SRRM1: variants seen among roughly 807,000 people sequenced by gnomAD.
SRRM1 encodes the protein serine and arginine repetitive matrix 1.
Under a neutral mutation model 110.2 loss-of-function variants are expected in SRRM1, and 19 were observed. The ratio of observed to expected loss-of-function variants is 0.17; its 90% CI spans 0.12 to 0.25. The LOEUF (loss-of-function observed/expected upper bound fraction) is 0.25, where lower values mean the gene tolerates loss of function less well. SRRM1 is among the 10% of genes least tolerant of loss of function. The probability of loss-of-function intolerance (pLI) is 1.00; values close to 1 mark genes in which losing one functional copy is unlikely to be tolerated. For missense variants in SRRM1, 918 were observed against 1,145.8 expected (o/e 0.80, Z 2.87); for synonymous variants, 443 against 414.9 (o/e 1.07, Z -0.82).
chr1:24,661,103 A>C lies in SRRM1; in HGVS notation c.1397-207A>C. Reference sequence around the variant, plus strand: ...TTGGCACCAGCCTGACCTGTAGTAAATGCCTAAATAAATTTTATTATATTT... The same window carrying C: ...TTGGCACCAGCCTGACCTGTAGTAACTGCCTAAATAAATTTTATTATATTT... On this transcript the variant is annotated intron_variant, in intron 10 of 16. Coordinates refer to ENST00000323848, the MANE Select transcript of SRRM1 (RefSeq NM_005839.4). 5.5e-6 allele frequency: 3 copies of C among 547,568 alleles called. No homozygotes were observed. In the South Asian group the frequency reaches 8.8e-5, roughly 16 times the overall value. The allele number at this position is 547,568 out of a possible 1,614,324, so 33.9% of individuals were successfully genotyped here. A position where few individuals can be genotyped will look rare whatever the true frequency, so the allele number is the denominator to read the frequency against.
intron 12 of SRRM1, chr1:24,663,252 G>T: frequency 1.4e-6 from 2 of 1,471,090 alleles, no homozygotes; most frequent in South Asian, 1.4e-5. Context: ...TTGTAAATTA[G>T]GGTTACATGT....
chr1:24,649,850 G>A lies in SRRM1; in HGVS notation c.406-121G>A, dbSNP rs144423187. 6.5e-4 allele frequency: 526 copies of A among 805,276 alleles called. 1 individual carries two copies. In the African/African-American group the frequency reaches 8.5e-3, roughly 13 times the overall value. The allele number at this position is 805,276 out of a possible 1,614,324, so 49.9% of individuals were successfully genotyped here. A position where few individuals can be genotyped will look rare whatever the true frequency, so the allele number is the denominator to read the frequency against. On this transcript the variant is annotated intron_variant, in intron 4 of 16. Coordinates refer to ENST00000323848, the MANE Select transcript of SRRM1 (RefSeq NM_005839.4). ...GTGTAGGTGAAGAAAGAACAGGTCT[G>A]GTTCAAAAGAAGAGGCCGATGAAAT...
intron 12 of SRRM1, among the ~76,000 whole-genome samples, chr1:24,663,911 TAATA>T (rs902161886): frequency 8.2e-6 from 1 of 122,678 alleles, no homozygotes; most frequent in Non-Finnish European, 1.7e-5. Context: ...ATAATAATAA[TAATA>T]AATAAAAGCG....
intron 1 of SRRM1, among the ~76,000 whole-genome samples, chr1:24,644,333 C>T (rs1011085393): frequency 5.3e-5 from 8 of 152,160 alleles, no homozygotes; most frequent in Admixed American, 1.3e-4. Flanking sequence ...CCATTGGTCT[C>T]TCAGGGCTTG....
Position 24,669,292 on chromosome 1 carries a change from C to T in SRRM1, c.1909C>T (p.His637Tyr). ...TCCACCACCAAAGCGGCGGGTCTCCCATTCTCCACCTCCCAAACAAAGAAG... is the reference window on the plus strand; with the variant it reads ...TCCACCACCAAAGCGGCGGGTCTCCTATTCTCCACCTCCCAAACAAAGAAG... ...PSPPPKRRVS[H>Y]SPPPKQRSSP... The change falls in exon 14 of 17, where the codon CAT (histidine) becomes TAT (tyrosine). Residue 637 changes from histidine (H) to tyrosine (Y), a missense_variant. By Grantham distance (83) the His-to-Tyr change is moderately conservative (BLOSUM62 2). Around this residue, in one of 5 missense-constraint regions of SRRM1, gnomAD observed 357 missense variants for 402.9 expected, o/e 0.89. Transcript: ENST00000323848. The T allele has an allele frequency of 1.9e-6, 3 of 1,614,166 alleles. No homozygotes were observed. The highest frequency in any genetic ancestry group is 2.5e-6 in the Non-Finnish European group (3 of 1,180,034).
At chr1:24,668,557 A>G (rs1671201985) in intron 13 of SRRM1, among the ~76,000 whole-genome samples, 1 of 152,242 alleles carries the variant, frequency 6.6e-6, no homozygotes, top group Admixed American at 6.5e-5. Flanking sequence ...GTTTGGCCTG[A>G]AAAGTGGCCT....
At chr1:24,657,523 C>A (rs1025623264) in intron 9 of SRRM1, among the ~76,000 whole-genome samples, 4 of 152,156 alleles carry the variant, frequency 2.6e-5, no homozygotes, top group Admixed American at 1.3e-4. Context: ...ACAGTAACAT[C>A]ATTGAAATGT....
chr1:24,669,385 C>T lies in SRRM1; in HGVS notation c.2002C>T (p.Arg668Cys), dbSNP rs748287743. 7 of 1,614,024 alleles carry T rather than the reference C, an allele frequency of 4.3e-6. No individual in the cohort carries two copies. Among genetic ancestry groups the T allele is most frequent in the South Asian group, 3.3e-5 (3 of 91,078 alleles). ...SKHRKGSSPS[R>C]STREARSPQP... is the part of the protein sequence containing the mutation. The stretch of plus-strand genomic sequence containing the variant: ...GCATAGGAAAGGGTCTTCCCCAAGC[C>T]GCTCTACCCGGGAGGCCCGATCACC... Residue 668 changes from arginine to cysteine, a missense_variant, in exon 14 of 17, where the codon CGC (arginine) becomes TGC (cysteine). This residue lies in a region of SRRM1 where 357 missense variants were observed against 402.9 expected (regional missense o/e 0.89). Coordinates refer to ENST00000323848, the MANE Select transcript of SRRM1 (RefSeq NM_005839.4).
rs529075711 is a variant in SRRM1, at chr1:24,660,600, T to A, written c.1316-119T>A. On this transcript the variant is annotated intron_variant, in intron 9 of 16. Transcript: ENST00000323848. ...AGGAGTTCAAGACTAGCCTGACTAA[T>A]ATAGTGAGACCCCATCTTTATTTAA... 22 of 441,236 alleles carry A rather than the reference T, an allele frequency of 5.0e-5. No homozygotes were observed. In the South Asian group the frequency reaches 1.1e-3, roughly 21 times the overall value. The allele number at this position is 441,236 out of a possible 1,614,324, so 27.3% of individuals were successfully genotyped here.
At chr1:24,662,353 C>T (rs990251394) in intron 11 of SRRM1, among the ~76,000 whole-genome samples, 1 of 152,168 alleles carries the variant, frequency 6.6e-6, no homozygotes, top group African/African-American at 2.4e-5. Context: ...GAGGCACAAG[C>T]GGTCTTTCTG....
chr1:24,660,844 GTTTTTC>G (rs1666850202), intron 10 of SRRM1, 45 bp downstream of exon 10: 1 of 1,411,192 alleles, frequency 7.1e-7, no homozygotes. Context: ...GTTTGTTTTT[GTTTTTC>G]TTAAAGCTGA....
At position 24,652,915 on chromosome 1, in the gene SRRM1, C is replaced by A; in HGVS notation, c.923C>A (p.Ser308Ter). The A allele has an allele frequency of 6.2e-7, 1 of 1,613,366 alleles. No individual in the cohort carries two copies. Among genetic ancestry groups the A allele is most frequent in the South Asian group, 1.1e-5 (1 of 90,892 alleles). The change falls in exon 8 of 17, where the codon TCG becomes TAG. Residue 308 changes from serine (S) to a stop codon, truncating the protein, a stop_gained and splice_region_variant. Transcript: ENST00000323848. LOFTEE classifies it high-confidence loss of function. ...CCTAATTCTCTTTGTTATGGCAGAT[C>A]GTATTCACCTAGAAGGCGGCCAAGC... The part of the protein sequence containing the change: ...PRRRHRSRSR[S>*]YSPRRRPSPR...
In SRRM1 at chr1:24,661,472, G is replaced by T. The variant is rs980069013; in HGVS notation, c.1483+76G>T. The T allele has an allele frequency of 5.7e-6, 6 of 1,054,318 alleles. No homozygotes were observed. The African/African-American group carries it at 6.4e-5, about 11-fold the overall frequency. 65.3% of individuals were successfully genotyped at this position (1,054,318 alleles called of 1,614,324 possible). ...ATACTTGGTATATAAACATCTGTGT[G>T]TGCAGCATGAGTACTTACTTGCCTA... On this transcript the variant is annotated intron_variant, in intron 11 of 16. Transcript: ENST00000323848.
chr1:24,653,063 T>A (rs896615536), intron 8 of SRRM1, 31 bp downstream of exon 8: 6 of 1,596,796 alleles, frequency 3.8e-6, no homozygotes, highest in Non-Finnish European at 5.1e-6. Flanking sequence ...AAGTGTCAAG[T>A]GTTTGACACT....
chr1:24,668,265 G>T (rs1671058305), intron 13 of SRRM1, among the ~76,000 whole-genome samples: 1 of 152,166 alleles, frequency 6.6e-6, no homozygotes, highest in Non-Finnish European at 1.5e-5. Context: ...ACTCTGCCCA[G>T]CCTGGCTGCC....
chr1:24,671,252 A>C, intron 15 of SRRM1, 134 bp from the exon 16 acceptor site: 1 of 953,794 alleles, frequency 1.0e-6, no homozygotes, highest in South Asian at 1.7e-5. Context: ...GGCCTTCCCC[A>C]CTCACACCCT....
At chr1:24,663,529 T>C (rs1438029636) in intron 12 of SRRM1, among the ~76,000 whole-genome samples, 2 of 152,200 alleles carry the variant, frequency 1.3e-5, no homozygotes, top group Non-Finnish European at 2.9e-5. Context: ...TAACAGTATC[T>C]GGATACTTTT....
chr1:24,659,322 C>T (rs1469240013), intron 9 of SRRM1, among the ~76,000 whole-genome samples: 1 of 152,168 alleles, frequency 6.6e-6, no homozygotes, highest in Non-Finnish European at 1.5e-5. Flanking sequence ...CTAATTACTG[C>T]CCCTTGGAAT....
rs1215778545 is a variant in SRRM1 at position 24,652,029 on chromosome 1, A to AATATATATATATATATATATATAT, written c.726-394_726-371dup. On this transcript the variant is annotated intron_variant, in intron 6 of 16. Transcript: ENST00000323848. ...ATGGTGAAACTCCATCTGTACTAAA[A>AATATATATATATATATATATATAT]ATATATATATATATATATATATATA... 3.9e-3 allele frequency among the ~76,000 whole-genome samples: 313 copies of AATATATATATATATATATATATAT among 79,718 alleles called. 7 individuals are homozygous for AATATATATATATATATATATATAT. Among genetic ancestry groups the AATATATATATATATATATATATAT allele is most frequent in the South Asian group, 5.7e-3 (11 of 1,938 alleles). 52.3% of individuals were successfully genotyped at this position (79,718 alleles called of 152,430 possible). A position where few individuals can be genotyped will look rare whatever the true frequency, so the allele number is the denominator to read the frequency against.
Sources: gnomAD v4.1 joint callset for allele counts (sites outside exome capture counted in the v4.1 genomes callset) on GRCh38, gnomAD v4.1.1 for gene constraint, gnomAD v4.1.1 regional missense constraint, MANE v1.5 for transcripts, NCBI Gene and HGNC (gene_info 2026-07-23, HGNC 2026-07-21) for gene names.